The following CDK14 variants were observed in gnomAD, a reference collection of about 807,000 sequenced individuals.
CDK14 encodes the protein cyclin-dependent kinase 14.
CDK14 carries 34 observed loss-of-function variants against 60.7 expected under a neutral mutation model. The ratio of observed to expected loss-of-function variants is 0.56; its 90% CI spans 0.43 to 0.75. CDK14 has a LOEUF of 0.75. Ranked by LOEUF, CDK14 falls within the 30% of genes least tolerant of loss-of-function variation. The pLI is 0.00. For missense variants in CDK14, 482 were observed against 564.1 expected, an observed-to-expected ratio of 0.85 and a Z score of 1.47; for synonymous variants, 197 against 203.7, an observed-to-expected ratio of 0.97 and a Z score of 0.28.
At chr7:90,736,446 G>A (rs748601997) in intron 3 of CDK14, among the ~76,000 whole-genome samples, 55 of 130,272 alleles carry the variant, frequency 4.2e-4, no homozygotes, top group Non-Finnish European at 7.5e-4. Flanking sequence ...TTTGCATAAC[G>A]CCATTTTACA....
chr7:91,003,762 T>C (rs1246198791), intron 10 of CDK14, among the ~76,000 whole-genome samples: 1 of 152,184 alleles, frequency 6.6e-6, no homozygotes, highest in African/African-American at 2.4e-5. Context: ...GATTGGGAAA[T>C]GTAACCTCTA....
At chr7:90,660,948 C>T (rs1217299523) in intron 2 of CDK14, among the ~76,000 whole-genome samples, 1 of 152,136 alleles carries the variant, frequency 6.6e-6, no homozygotes, top group East Asian at 1.9e-4. Context: ...CTTTTTGTGG[C>T]CCAACTGCAA....
chr7:91,008,127 C>CAAAAAAAAAAAA lies in CDK14; in HGVS notation c.1041+23893_1041+23904dup, dbSNP rs56082719. Among the ~76,000 whole-genome samples the CAAAAAAAAAAAA allele has an allele frequency of 3.8e-4, 24 of 62,586 alleles. 4 individuals are homozygous for CAAAAAAAAAAAA. The highest frequency in any genetic ancestry group is 1.1e-3 in the African/African-American group (19 of 16,712). 41.1% of individuals were successfully genotyped at this position (62,586 alleles called of 152,430 possible). On this transcript the variant is annotated intron_variant, in intron 10 of 14. Coordinates refer to ENST00000380050, the MANE Select transcript of CDK14 (RefSeq NM_001287135.2). ...ATGGGAGCCAGTGCCGGGAGAAGGC[C>CAAAAAAAAAAAA]AAAAAAAAAAAAAAAAAACAAACAA...
At chr7:90,878,747 A>G (rs906399333) in intron 6 of CDK14, among the ~76,000 whole-genome samples, 17 of 152,360 alleles carry the variant, frequency 1.1e-4, no homozygotes, top group African/African-American at 4.1e-4. Context: ...TAGTATAGCA[A>G]GAATTTCTAG....
intron 5 of CDK14, among the ~76,000 whole-genome samples, chr7:90,820,717 G>C (rs553897217): frequency 8.5e-5 from 13 of 152,122 alleles, no homozygotes; most frequent in South Asian, 2.1e-4. Flanking sequence ...TCACCTCTTT[G>C]TGCTGATTTC....
At chr7:91,030,261 C>T (rs747083026) in intron 10 of CDK14, among the ~76,000 whole-genome samples, 1 of 152,156 alleles carries the variant, frequency 6.6e-6, no homozygotes, top group South Asian at 2.1e-4. Context: ...GTTAAACTTA[C>T]CAGAGGTTTA....
chr7:91,004,702 T>G (rs1208901), intron 10 of CDK14, among the ~76,000 whole-genome samples: 134,936 of 152,100 alleles, frequency 0.89, 60,331 homozygotes, highest in Non-Finnish European at 0.95. Context: ...CTGACCATGG[T>G]AAATTAATAT....
chr7:90,697,604 GC>G (rs1233146687), intron 2 of CDK14, among the ~76,000 whole-genome samples: 1 of 152,116 alleles, frequency 6.6e-6, no homozygotes, highest in Non-Finnish European at 1.5e-5. Flanking sequence ...GAGCTGAACT[GC>G]CCCATGTGAG....
intron 2 of CDK14, among the ~76,000 whole-genome samples, chr7:90,643,386 A>G (rs1433771857): frequency 6.6e-6 from 1 of 152,152 alleles, no homozygotes; most frequent in Non-Finnish European, 1.5e-5. Context: ...TGTTACTTTT[A>G]AGACAAATAT....
At chr7:90,889,497 A>G (rs1003886407) in intron 6 of CDK14, among the ~76,000 whole-genome samples, 1 of 152,244 alleles carries the variant, frequency 6.6e-6, no homozygotes, top group Non-Finnish European at 1.5e-5. Flanking sequence ...AGACAGAATT[A>G]TGGGACATGT....
intron 8 of CDK14, among the ~76,000 whole-genome samples, chr7:90,940,478 T>G (rs1793887251): frequency 6.6e-6 from 1 of 152,096 alleles, no homozygotes; most frequent in African/African-American, 2.4e-5. Flanking sequence ...TGCCCGTAAG[T>G]CTTTGTATGT....
At chr7:90,812,147 G>C (rs1489370910) in intron 5 of CDK14, among the ~76,000 whole-genome samples, 2 of 152,118 alleles carry the variant, frequency 1.3e-5, no homozygotes, top group Non-Finnish European at 2.9e-5. Flanking sequence ...AAAACATGCT[G>C]TTATAAAGAC....
At chr7:90,834,756 C>A (rs535795230) in intron 5 of CDK14, among the ~76,000 whole-genome samples, 145 of 152,234 alleles carry the variant, frequency 9.5e-4, no homozygotes, top group African/African-American at 3.3e-3. Flanking sequence ...ATTTGTTTAG[C>A]ATTTACTGGA....
intron 11 of CDK14, among the ~76,000 whole-genome samples, chr7:91,073,968 A>G (rs560666091): frequency 6.6e-6 from 1 of 152,306 alleles, no homozygotes; most frequent in East Asian, 1.9e-4. Flanking sequence ...CAAAATATAT[A>G]TGTACCCAAT....
chr7:90,794,899 C>T (rs1805991266), intron 5 of CDK14, among the ~76,000 whole-genome samples: 2 of 152,152 alleles, frequency 1.3e-5, no homozygotes, highest in Non-Finnish European at 2.9e-5. Context: ...AGAAACTATA[C>T]AAGTATTAAT....
intron 14 of CDK14, among the ~76,000 whole-genome samples, chr7:91,166,260 G>A (rs1272989623): frequency 6.6e-6 from 1 of 152,196 alleles, no homozygotes; most frequent in African/African-American, 2.4e-5. Context: ...TTGGTAGTTT[G>A]AGCCTGCTGT....
intron 2 of CDK14, among the ~76,000 whole-genome samples, chr7:90,638,922 T>TA (rs1563025501): frequency 6.6e-6 from 1 of 152,066 alleles, no homozygotes; most frequent in Non-Finnish European, 1.5e-5. Flanking sequence ...GTTGATCGCA[T>TA]CGGCTCCTGA....
At chr7:90,810,580 C>G (rs553650469) in intron 5 of CDK14, among the ~76,000 whole-genome samples, 2 of 152,190 alleles carry the variant, frequency 1.3e-5, no homozygotes, top group South Asian at 2.1e-4. Flanking sequence ...GATGCCCTCT[C>G]TCACCACTCC....
chr7:90,803,066 G>A (rs1267594802), intron 5 of CDK14, among the ~76,000 whole-genome samples: 1 of 151,452 alleles, frequency 6.6e-6, no homozygotes, highest in East Asian at 2.0e-4. Flanking sequence ...CTTGGATAGG[G>A]AATATTGGTT....
Sources: gnomAD v4.1 joint callset for allele counts (sites outside exome capture counted in the v4.1 genomes callset) on GRCh38, gnomAD v4.1.1 for gene constraint, MANE v1.5 for transcripts, NCBI Gene and HGNC (gene_info 2026-07-23, HGNC 2026-07-21) for gene names.